ZFPM2: variants seen among roughly 807,000 people sequenced by gnomAD.
The protein encoded by ZFPM2 is zinc finger protein ZFPM2.
In ZFPM2, 20 loss-of-function variants were observed where a neutral mutation model predicts 98.6. The observed-to-expected ratio is 0.20, with a 90% confidence interval of 0.14 to 0.29. The LOEUF (loss-of-function observed/expected upper bound fraction) is 0.29. Ranked by LOEUF, ZFPM2 falls within the 10% of genes least tolerant of loss-of-function variation. ZFPM2 has a pLI of 1.00. For missense variants in ZFPM2, 1,310 were observed against 1,388.6 expected (o/e 0.94, Z 0.90); for synonymous variants, 518 against 502.7 (o/e 1.03, Z -0.41).
At chr8:105,397,853 A>G (rs2129967821) in intron 1 of ZFPM2, among the ~76,000 whole-genome samples, 1 of 152,166 alleles carries the variant, frequency 6.6e-6, no homozygotes, top group East Asian at 1.9e-4. Flanking sequence ...AGCCCATATA[A>G]CAGGAAAAAA....
At chr8:105,555,918 A>C (rs1245114505) in intron 3 of ZFPM2, among the ~76,000 whole-genome samples, 1 of 152,158 alleles carries the variant, frequency 6.6e-6, no homozygotes, top group African/African-American at 2.4e-5. Context: ...GAGGAATGGA[A>C]GGAGAAGAAG....
intron 5 of ZFPM2, among the ~76,000 whole-genome samples, chr8:105,688,958 A>G (rs1333003639): frequency 1.3e-5 from 2 of 152,190 alleles, no homozygotes; most frequent in African/African-American, 4.8e-5. Context: ...TAAATTGCCT[A>G]TATGGTGGCT....
At chr8:105,611,457 G>T (rs1816305700) in intron 4 of ZFPM2, among the ~76,000 whole-genome samples, 1 of 151,970 alleles carries the variant, frequency 6.6e-6, no homozygotes. Context: ...GAGAAAAATG[G>T]TCATTTTGGC....
intron 3 of ZFPM2, among the ~76,000 whole-genome samples, chr8:105,554,096 C>T (rs1213140825): frequency 6.6e-6 from 1 of 152,154 alleles, no homozygotes; most frequent in Non-Finnish European, 1.5e-5. Flanking sequence ...ATGACTCAAA[C>T]ATTGAGAAGG....
At chr8:105,547,651 T>G (rs1181366015) in intron 3 of ZFPM2, among the ~76,000 whole-genome samples, 1 of 151,622 alleles carries the variant, frequency 6.6e-6, no homozygotes, top group African/African-American at 2.4e-5. Context: ...GGAAATCAGA[T>G]GTAAGTGATA....
chr8:105,615,310 A>G lies in ZFPM2; in HGVS notation c.421-18936A>G, dbSNP rs566196835. ...CACAGTCTCAGAAGATATGGAAGAC[A>G]GAGTAGTAAATAAAAGCATTTTGCT... is the stretch of plus-strand genomic sequence containing the variant. On this transcript the variant is annotated intron_variant, in intron 4 of 7. Coordinates refer to ENST00000407775, the MANE Select transcript of ZFPM2 (RefSeq NM_012082.4). Among the ~76,000 whole-genome samples the G allele has an allele frequency of 3.0e-4, 46 of 152,290 alleles. 1 individual carries two copies. Among genetic ancestry groups the G allele is most frequent in the Middle Eastern group, 3.4e-3 (1 of 294 alleles).
At chr8:105,356,100 C>G (rs933859793) in intron 1 of ZFPM2, among the ~76,000 whole-genome samples, 3 of 152,168 alleles carry the variant, frequency 2.0e-5, no homozygotes, top group African/African-American at 7.2e-5. Context: ...GGAATTGTAA[C>G]AAACACAGTG....
chr8:105,625,625 G>T (rs1207726717), intron 4 of ZFPM2, among the ~76,000 whole-genome samples: 2 of 151,010 alleles, frequency 1.3e-5, no homozygotes, highest in South Asian at 2.1e-4. Context: ...TTATACCCCA[G>T]GCTGGAGTGC....
chr8:105,757,356 T>C (rs1349704038), intron 5 of ZFPM2, among the ~76,000 whole-genome samples: 2 of 152,174 alleles, frequency 1.3e-5, no homozygotes, highest in Non-Finnish European at 2.9e-5. Context: ...TAAAGACTCA[T>C]TCAGTCTGTG....
At chr8:105,597,056 A>C (rs1221762069) in intron 4 of ZFPM2, among the ~76,000 whole-genome samples, 1 of 151,936 alleles carries the variant, frequency 6.6e-6, no homozygotes, top group Non-Finnish European at 1.5e-5. Context: ...TAAATGTAAC[A>C]GCTGCATTCT....
intron 5 of ZFPM2, among the ~76,000 whole-genome samples, chr8:105,694,236 G>A (rs565179905): frequency 7.9e-5 from 12 of 151,516 alleles, no homozygotes; most frequent in African/African-American, 2.7e-4. Flanking sequence ...TCTGCCCCCC[G>A]CGGCCTCCCA....
intron 4 of ZFPM2, among the ~76,000 whole-genome samples, chr8:105,619,297 G>GTACC (rs1472868761): frequency 6.6e-6 from 1 of 151,922 alleles, no homozygotes; most frequent in Non-Finnish European, 1.5e-5. Flanking sequence ...CCTTCCAAAT[G>GTACC]TACCATTCAT....
At chr8:105,650,062 T>C (rs1180220216) in intron 5 of ZFPM2, among the ~76,000 whole-genome samples, 2 of 151,448 alleles carry the variant, frequency 1.3e-5, no homozygotes, top group Non-Finnish European at 3.0e-5. Flanking sequence ...TTTCAGAGCC[T>C]GTCTATTCAG....
At chr8:105,571,376 A>G (rs928635856) in intron 4 of ZFPM2, among the ~76,000 whole-genome samples, 3 of 152,244 alleles carry the variant, frequency 2.0e-5, no homozygotes, top group African/African-American at 7.2e-5. Flanking sequence ...TTTGTAAAGC[A>G]TAACTATTGT....
chr8:105,637,807 G>A (rs1232048524), intron 5 of ZFPM2, among the ~76,000 whole-genome samples: 1 of 152,116 alleles, frequency 6.6e-6, no homozygotes, highest in Non-Finnish European at 1.5e-5. Flanking sequence ...CAAAGCAAAA[G>A]CGTTTTGAAG....
At chr8:105,340,296 A>G (rs542044491) in intron 1 of ZFPM2, among the ~76,000 whole-genome samples, 1 of 151,970 alleles carries the variant, frequency 6.6e-6, no homozygotes, top group Admixed American at 6.6e-5. Context: ...AGCCAATTTC[A>G]ATGTTCTTAA....
rs142230291 is a variant in ZFPM2, at chr8:105,429,445, A to AATATATATATATATATATAT, written c.199+10144_199+10163dup. 9.2e-4 allele frequency among the ~76,000 whole-genome samples: 127 copies of AATATATATATATATATATAT among 138,366 alleles called. 5 individuals carry two copies. Among genetic ancestry groups the AATATATATATATATATATAT allele is most frequent in the African/African-American group, 3.6e-3 (114 of 32,020 alleles). 90.8% of individuals were successfully genotyped at this position (138,366 alleles called of 152,430 possible). On this transcript the variant is annotated intron_variant, in intron 2 of 7. Coordinates refer to ENST00000407775, the MANE Select transcript of ZFPM2 (RefSeq NM_012082.4). ...AAAACGTGCACAAGTTAGACAAGGA[A>AATATATATATATATATATAT]ATATATATATATATATATATGGAAA...
chr8:105,798,960 T>C lies in ZFPM2; in HGVS notation c.964+12T>C. 6.2e-7 allele frequency: 1 copy of C among 1,606,384 alleles called. No individual in the cohort carries two copies. The highest frequency in any genetic ancestry group is 8.5e-7 in the Non-Finnish European group (1 of 1,173,804). The stretch of plus-strand genomic sequence containing the variant: ...GAATTCACACAGTGGTAAATGCCCC[T>C]TTTGTTTCTTCTGTTGCTCCAGAAG... On this transcript the variant is annotated intron_variant, in intron 7 of 7. Coordinates refer to ENST00000407775, the MANE Select transcript of ZFPM2 (RefSeq NM_012082.4).
rs1177697667 is a variant in ZFPM2 at position 105,340,943 on chromosome 8, C to T, written c.40+21962C>T. On this transcript the variant is annotated intron_variant, in intron 1 of 7. Transcript: ENST00000407775. ...AGACACAAATTTCCTAGACTTAATG[C>T]TGTTGATGGGAGACATAAATTAATA... 3.3e-5 allele frequency among the ~76,000 whole-genome samples: 5 copies of T among 151,924 alleles called. No homozygotes were observed. The East Asian group carries it at 5.8e-4, about 18-fold the overall frequency.
Sources: allele counts gnomAD v4.1 joint callset (sites outside exome capture counted in the v4.1 genomes callset), GRCh38; gene constraint gnomAD v4.1.1; transcripts MANE v1.5; gene names NCBI Gene and HGNC (gene_info 2026-07-23, HGNC 2026-07-21).